The following PPP2R3A variants were observed in gnomAD, a reference collection of about 807,000 sequenced individuals.
PPP2R3A encodes the protein serine/threonine-protein phosphatase 2A regulatory subunit B'' subunit alpha.
A neutral mutation model predicts 106.9 loss-of-function variants in PPP2R3A; 80 were observed. That is an observed-to-expected ratio of 0.75 (90% CI 0.62 to 0.90). PPP2R3A has a LOEUF of 0.90. PPP2R3A is among the 40% of genes least tolerant of loss of function. The probability of loss-of-function intolerance (pLI) is 0.00; values close to 1 mark genes in which losing one functional copy is unlikely to be tolerated. For synonymous variants in PPP2R3A, 483 were observed against 468.3 expected (o/e 1.03, Z -0.41); for missense variants, 1,386 against 1,350.4 (o/e 1.03, Z -0.41).
chr3:136,021,672 GTTGA>G (rs1934472378), intron 2 of PPP2R3A, among the ~76,000 whole-genome samples: 1 of 152,076 alleles, frequency 6.6e-6, no homozygotes, highest in African/African-American at 2.4e-5. Context: ...GAATGATGTG[GTTGA>G]TTGAAAATAA....
chr3:136,130,990 C>T (rs562913684), intron 13 of PPP2R3A, among the ~76,000 whole-genome samples: 1 of 152,264 alleles, frequency 6.6e-6, no homozygotes, highest in Admixed American at 6.5e-5. Context: ...TTCCTTACAC[C>T]TTATACAAAA....
At chr3:136,124,457 C>A (rs886167935) in intron 13 of PPP2R3A, among the ~76,000 whole-genome samples, 1 of 152,134 alleles carries the variant, frequency 6.6e-6, no homozygotes, top group Middle Eastern at 3.4e-3. Context: ...GCACTCCAGC[C>A]CAAGTGACAA....
intron 1 of PPP2R3A, among the ~76,000 whole-genome samples, chr3:135,995,327 A>T (rs962596516): frequency 1.3e-5 from 2 of 152,132 alleles, no homozygotes; most frequent in Admixed American, 1.3e-4. Context: ...CTCATCTAAG[A>T]TTATAAAACT....
chr3:136,024,434 T>C (rs1200665027), intron 2 of PPP2R3A, among the ~76,000 whole-genome samples: 2 of 152,302 alleles, frequency 1.3e-5, no homozygotes, highest in Middle Eastern at 3.4e-3. Context: ...TTATTAAATA[T>C]GGAATTGACC....
intron 1 of PPP2R3A, among the ~76,000 whole-genome samples, chr3:135,999,944 T>C (rs905940247): frequency 2.6e-5 from 4 of 152,040 alleles, no homozygotes; most frequent in Non-Finnish European, 4.4e-5. Flanking sequence ...ATTGTCTCCT[T>C]GCTTTCTCTG....
intron 2 of PPP2R3A, among the ~76,000 whole-genome samples, chr3:136,005,310 T>A (rs1050777445): frequency 7.9e-5 from 12 of 152,200 alleles, no homozygotes; most frequent in African/African-American, 2.9e-4. Context: ...TCCAAAAAAA[T>A]TCTAAATCTA....
At chr3:136,144,900 C>T (rs529036070) in intron 13 of PPP2R3A, 143 bp from the exon 14 acceptor site, 25 of 764,804 alleles carry the variant, frequency 3.3e-5, no homozygotes, top group African/African-American at 1.6e-4. Context: ...GCCTCCTTCA[C>T]GGCAGTTGAG....
At chr3:136,095,344 A>T (rs1937191951) in intron 10 of PPP2R3A, among the ~76,000 whole-genome samples, 1 of 152,166 alleles carries the variant, frequency 6.6e-6, no homozygotes, top group Admixed American at 6.5e-5. Context: ...TCTACCTTGC[A>T]TGTTGCCTTT....
chr3:135,983,349 A>T (rs1027619167), intron 1 of PPP2R3A, among the ~76,000 whole-genome samples: 2 of 152,130 alleles, frequency 1.3e-5, no homozygotes, highest in African/African-American at 4.8e-5. Context: ...AGGATGAGTA[A>T]ATTGTGATGG....
Position 136,140,453 on chromosome 3 carries a change from A to AAAACAAAAAC in PPP2R3A, c.3330-4587_3330-4586insCAAAAACAAA, listed in dbSNP as rs1553761398. ...AGAGTGAGACTCTTTAAAAAAAAAAAAAAAAAAAAAACCCGGGCTCAGTGG... is the reference window on the plus strand; with the variant it reads ...AGAGTGAGACTCTTTAAAAAAAAAAAAAACAAAAACAAAAAAAAAAACCCGGGCTCAGTGG... On this transcript the variant is annotated intron_variant, in intron 13 of 13. Transcript: ENST00000264977. Among the ~76,000 whole-genome samples the AAAACAAAAAC allele has an allele frequency of 1.3e-4, 19 of 149,762 alleles. 1 individual carries two copies. Among genetic ancestry groups the AAAACAAAAAC allele is most frequent in the African/African-American group, 4.3e-4 (17 of 39,778 alleles).
chr3:136,031,388 T>C (rs1934885558), intron 3 of PPP2R3A, among the ~76,000 whole-genome samples: 1 of 152,236 alleles, frequency 6.6e-6, no homozygotes, highest in Non-Finnish European at 1.5e-5. Flanking sequence ...GAGTTCATTG[T>C]AGATTCTGGA....
intron 3 of PPP2R3A, among the ~76,000 whole-genome samples, chr3:136,030,455 G>C (rs960784747): frequency 6.6e-6 from 1 of 151,902 alleles, no homozygotes; most frequent in Non-Finnish European, 1.5e-5. Context: ...GGTTACACGA[G>C]TAAGTTCTTT....
chr3:136,018,466 A>C (rs1240887077), intron 2 of PPP2R3A, among the ~76,000 whole-genome samples: 1 of 152,254 alleles, frequency 6.6e-6, no homozygotes, highest in Non-Finnish European at 1.5e-5. Context: ...AATATTATAA[A>C]TCACTATTGT....
At chr3:136,141,685 A>G (rs1436537190) in intron 13 of PPP2R3A, among the ~76,000 whole-genome samples, 1 of 152,252 alleles carries the variant, frequency 6.6e-6, no homozygotes, top group Non-Finnish European at 1.5e-5. Flanking sequence ...ATTTCAGGCA[A>G]TTGAAAAACA....
At chr3:136,044,227 T>TA (rs1935393755) in intron 4 of PPP2R3A, among the ~76,000 whole-genome samples, 1 of 152,202 alleles carries the variant, frequency 6.6e-6, no homozygotes, top group African/African-American at 2.4e-5. Context: ...AGAATAAGTA[T>TA]AAAAATCATA....
intron 5 of PPP2R3A, among the ~76,000 whole-genome samples, chr3:136,064,096 G>A (rs1297927369): frequency 6.6e-6 from 1 of 151,970 alleles, no homozygotes; most frequent in Non-Finnish European, 1.5e-5. Flanking sequence ...CATAAAAAAT[G>A]ATGAGTTCAT....
intron 1 of PPP2R3A, among the ~76,000 whole-genome samples, chr3:135,979,744 C>A (rs1250671026): frequency 6.6e-6 from 1 of 151,576 alleles, no homozygotes; most frequent in Non-Finnish European, 1.5e-5. Context: ...TGGTAAGTAT[C>A]CATTACATAT....
At chr3:136,049,389 G>A in intron 5 of PPP2R3A, 28 bp downstream of exon 5, 1 of 1,547,400 alleles carries the variant, frequency 6.5e-7, no homozygotes, top group South Asian at 1.2e-5. Flanking sequence ...TTGAAAATGG[G>A]TTCTAATTTT....
chr3:136,041,733 T>G (rs1935295543), intron 4 of PPP2R3A, among the ~76,000 whole-genome samples: 1 of 152,244 alleles, frequency 6.6e-6, no homozygotes, highest in African/African-American at 2.4e-5. Context: ...TAATAGATTT[T>G]AATCATTACC....
Sources: gnomAD v4.1 joint callset for allele counts (sites outside exome capture counted in the v4.1 genomes callset) on GRCh38, gnomAD v4.1.1 for gene constraint, MANE v1.5 for transcripts, NCBI Gene and HGNC (gene_info 2026-07-23, HGNC 2026-07-21) for gene names.